Variants in NIM1K observed in about 807,000 individuals in gnomAD.
The protein encoded by NIM1K is NIM1 serine/threonine protein kinase.
A neutral mutation model predicts 37.1 loss-of-function variants in NIM1K; 35 were observed. The ratio of observed to expected loss-of-function variants is 0.94; its 90% CI spans 0.72 to 1.25. NIM1K has a LOEUF of 1.25. NIM1K is among the 50% of genes most tolerant of loss of function. The pLI is 0.00. For synonymous variants in NIM1K, 234 were observed against 206.6 expected, an observed-to-expected ratio of 1.13 and a Z score of -1.14; for missense variants, 564 against 548.0, an observed-to-expected ratio of 1.03 and a Z score of -0.29.
intron 1 of NIM1K, among the ~76,000 whole-genome samples, chr5:43,208,952 A>G (rs990222823): frequency 6.6e-6 from 1 of 152,228 alleles, no homozygotes; most frequent in Non-Finnish European, 1.5e-5. Flanking sequence ...AACTCGGGCA[A>G]AGGCAAGTCC....
intron 1 of NIM1K, among the ~76,000 whole-genome samples, chr5:43,195,866 TAGAA>T (rs936615184): frequency 3.3e-5 from 5 of 152,004 alleles, no homozygotes; most frequent in Non-Finnish European, 5.9e-5. Flanking sequence ...AGCAGATTAA[TAGAA>T]AGAAAGTAAA....
intron 1 of NIM1K, chr5:43,232,241 T>A: frequency 9.4e-7 from 1 of 1,060,716 alleles, no homozygotes; most frequent in Non-Finnish European, 1.4e-6. Context: ...AGCCATGTAT[T>A]TACCATGGCA....
intron 1 of NIM1K, among the ~76,000 whole-genome samples, chr5:43,200,997 C>G (rs1752011248): frequency 6.6e-6 from 1 of 151,766 alleles, no homozygotes. Flanking sequence ...CGGTGACAGG[C>G]TCCTGTAATC....
intron 1 of NIM1K, among the ~76,000 whole-genome samples, chr5:43,225,260 CAAAAAAAAAAAAAAAA>C (rs10555794): frequency 2.8e-5 from 2 of 72,674 alleles, no homozygotes; most frequent in Non-Finnish European, 4.9e-5. Flanking sequence ...ACCCTCTTTC[CAAAAAAAAAAAAAAAA>C]AAAAAAAAAA....
In NIM1K at chr5:43,246,033, C is replaced by A. The variant is rs373679697; in HGVS notation, c.258C>A (p.Ser86=). Residue 86 remains serine, a synonymous_variant, in exon 2 of 4, where the codon TCC becomes TCA. Coordinates refer to ENST00000326035, the MANE Select transcript of NIM1K (RefSeq NM_153361.4). ...IRGEIGSGNF[S]QVKLGIHSLT... ...GGGAAATCGGAAGTGGAAACTTCTC[C>A]CAAGTGAAGCTTGGGATTCACTCCC... is the stretch of plus-strand genomic sequence containing the variant. 1.2e-6 allele frequency: 2 copies of A among 1,613,626 alleles called. No individual in the cohort carries two copies. The highest frequency in any genetic ancestry group is 1.7e-6 in the Non-Finnish European group (2 of 1,179,694).
At chr5:43,263,915 A>C (rs938304763) in intron 2 of NIM1K, among the ~76,000 whole-genome samples, 91 of 152,132 alleles carry the variant, frequency 6.0e-4, no homozygotes, top group Non-Finnish European at 4.4e-5. Context: ...TTCAGTTTCC[A>C]TGTAGTTGAG....
chr5:43,233,223 G>A, intron 1 of NIM1K: 1 of 888,232 alleles, frequency 1.1e-6, no homozygotes, highest in South Asian at 1.5e-5. Context: ...AGGAGAGATT[G>A]TTGCTTCTTA....
At chr5:43,242,409 G>C (rs1752716264) in intron 1 of NIM1K, among the ~76,000 whole-genome samples, 1 of 151,766 alleles carries the variant, frequency 6.6e-6, no homozygotes, top group Non-Finnish European at 1.5e-5. Flanking sequence ...AGAGAGGCAG[G>C]AGGCCTGGTG....
At chr5:43,262,277 T>G (rs912304726) in intron 2 of NIM1K, among the ~76,000 whole-genome samples, 2 of 152,246 alleles carry the variant, frequency 1.3e-5, no homozygotes, top group African/African-American at 2.4e-5. Context: ...TGTCCTCTTT[T>G]ATTTCATTGA....
At chr5:43,257,949 C>T (rs867097520) in intron 2 of NIM1K, among the ~76,000 whole-genome samples, 16 of 151,864 alleles carry the variant, frequency 1.1e-4, no homozygotes, top group East Asian at 3.9e-4. Flanking sequence ...TTATGTTTAA[C>T]GCATATCAAT....
intron 1 of NIM1K, among the ~76,000 whole-genome samples, chr5:43,236,205 T>C (rs1415169525): frequency 6.6e-6 from 1 of 152,050 alleles, no homozygotes; most frequent in Non-Finnish European, 1.5e-5. Flanking sequence ...ATATCAAGGC[T>C]GCAGTGAGCT....
chr5:43,259,215 C>T (rs1443495877), intron 2 of NIM1K, among the ~76,000 whole-genome samples: 2 of 152,196 alleles, frequency 1.3e-5, no homozygotes, highest in African/African-American at 4.8e-5. Flanking sequence ...CTGCCATAAA[C>T]ATGCATGCAG....
chr5:43,276,050 G>A (rs192410364), intron 2 of NIM1K, among the ~76,000 whole-genome samples: 13 of 151,682 alleles, frequency 8.6e-5, no homozygotes, highest in East Asian at 3.9e-4. Context: ...GCCTGCCACC[G>A]GGTCCATCTA....
At chr5:43,252,243 G>A (rs1162129523) in intron 2 of NIM1K, among the ~76,000 whole-genome samples, 3 of 152,200 alleles carry the variant, frequency 2.0e-5, no homozygotes, top group Admixed American at 1.3e-4. Flanking sequence ...GTTTCAGAGA[G>A]CATGGCATTT....
At chr5:43,268,018 G>T (rs1021195628) in intron 2 of NIM1K, among the ~76,000 whole-genome samples, 2 of 152,118 alleles carry the variant, frequency 1.3e-5, no homozygotes, top group Non-Finnish European at 2.9e-5. Flanking sequence ...TTTCTGCCTC[G>T]ATGATCTGTC....
chr5:43,274,716 C>A (rs1028274380), intron 2 of NIM1K, among the ~76,000 whole-genome samples: 1 of 152,320 alleles, frequency 6.6e-6, no homozygotes, highest in Non-Finnish European at 1.5e-5. Context: ...TTGCCTCCTG[C>A]GAGGGGCGGG....
intron 1 of NIM1K, among the ~76,000 whole-genome samples, chr5:43,241,190 T>A (rs947353372): frequency 6.6e-6 from 1 of 152,026 alleles, no homozygotes; most frequent in African/African-American, 2.4e-5. Flanking sequence ...TTAGTGTAGT[T>A]TATGGGTATT....
chr5:43,241,738 G>C (rs1158710254), intron 1 of NIM1K, among the ~76,000 whole-genome samples: 1 of 151,866 alleles, frequency 6.6e-6, no homozygotes, highest in Admixed American at 6.6e-5. Flanking sequence ...TTCCCTATCA[G>C]GTTATCATTT....
chr5:43,253,212 ATGTG>A (rs10603525), intron 2 of NIM1K, among the ~76,000 whole-genome samples: 1,924 of 131,612 alleles, frequency 0.015, 24 homozygotes, highest in African/African-American at 0.02. Context: ...AATATAATAT[ATGTG>A]TGTGTGTGTG....
Sources: gnomAD v4.1 joint callset for allele counts (sites outside exome capture counted in the v4.1 genomes callset) on GRCh38, gnomAD v4.1.1 for gene constraint, MANE v1.5 for transcripts, NCBI Gene and HGNC (gene_info 2026-07-23, HGNC 2026-07-21) for gene names.